Variants in SYCP2L observed in about 807,000 individuals in gnomAD.
SYCP2L encodes the protein synaptonemal complex protein 2 like.
A neutral mutation model predicts 125.8 loss-of-function variants in SYCP2L; 98 were observed. The ratio of observed to expected loss-of-function variants is 0.78; its 90% CI spans 0.66 to 0.92. SYCP2L has a LOEUF of 0.92. Among genes scored for constraint, SYCP2L ranks in the 40% least tolerant of loss-of-function variants. The probability of loss-of-function intolerance (pLI) is 0.00; values close to 1 mark genes in which losing one functional copy is unlikely to be tolerated. For missense variants in SYCP2L, 842 were observed against 936.4 expected, an observed-to-expected ratio of 0.90 and a Z score of 1.32; for synonymous variants, 317 against 325.4, an observed-to-expected ratio of 0.97 and a Z score of 0.28.
At chr6:10,927,457 C>T (rs567941955) in intron 17 of SYCP2L, 90 bp downstream of exon 17, 4 of 1,059,578 alleles carry the variant, frequency 3.8e-6, no homozygotes, top group Non-Finnish European at 5.5e-6. Flanking sequence ...AGTTGGGCAT[C>T]CAGGGGAGAC....
chr6:10,956,275 G>T lies in SYCP2L; in HGVS notation c.2163+33G>T, dbSNP rs188879393. On this transcript the variant is annotated intron_variant, in intron 25 of 29. Coordinates refer to ENST00000283141, the MANE Select transcript of SYCP2L (RefSeq NM_001040274.3). ...TCCACAAAACTTAAAAAACTAGAGC[G>T]TTATGAATCTGGAGGACATTATGCT... 1.4e-4 allele frequency: 204 copies of T among 1,468,238 alleles called. 2 individuals are homozygous for T. Among genetic ancestry groups the T allele is most frequent in the Admixed American group, 5.1e-4 (30 of 59,052 alleles). The allele number at this position is 1,468,238 out of a possible 1,614,324, so 91.0% of individuals were successfully genotyped here.
At chr6:10,960,415 A>T (rs1411634000) in intron 26 of SYCP2L, among the ~76,000 whole-genome samples, 2 of 152,184 alleles carry the variant, frequency 1.3e-5, no homozygotes, top group Non-Finnish European at 1.5e-5. Flanking sequence ...GCAATGTCGG[A>T]TACCAGGCCC....
intron 6 of SYCP2L, among the ~76,000 whole-genome samples, chr6:10,899,532 C>T (rs199739863): frequency 1.1e-4 from 16 of 152,168 alleles, no homozygotes; most frequent in Middle Eastern, 3.4e-3. Flanking sequence ...TGGGTGACAG[C>T]GTGATCCTGT....
intron 20 of SYCP2L, among the ~76,000 whole-genome samples, chr6:10,932,461 A>C (rs192037469): frequency 1.3e-5 from 2 of 152,268 alleles, no homozygotes; most frequent in Non-Finnish European, 2.9e-5. Flanking sequence ...TGTGATTCTG[A>C]GAGTATCGAC....
At chr6:10,925,246 A>G (rs1347628827) in intron 15 of SYCP2L, among the ~76,000 whole-genome samples, 1 of 152,118 alleles carries the variant, frequency 6.6e-6, no homozygotes, top group Non-Finnish European at 1.5e-5. Flanking sequence ...ACCCATCCCC[A>G]TGTTTCAGTT....
intron 29 of SYCP2L, among the ~76,000 whole-genome samples, chr6:10,970,585 A>G (rs896945503): frequency 4.6e-5 from 7 of 152,264 alleles, no homozygotes; most frequent in South Asian, 2.1e-4. Flanking sequence ...GGCAGCTTCT[A>G]GGTTTGGGGC....
chr6:10,914,569 A>T (rs1445716991), intron 14 of SYCP2L, among the ~76,000 whole-genome samples: 1 of 151,326 alleles, frequency 6.6e-6, no homozygotes, highest in African/African-American at 2.4e-5. Context: ...TGGGAATTGT[A>T]TTGAATGTGT....
At chr6:10,962,022 T>A (rs1781602233) in intron 28 of SYCP2L, among the ~76,000 whole-genome samples, 1 of 152,158 alleles carries the variant, frequency 6.6e-6, no homozygotes, top group Non-Finnish European at 1.5e-5. Flanking sequence ...CATCAATACA[T>A]CCTCTGGGGA....
chr6:10,915,549 G>A (rs749902431), intron 14 of SYCP2L, among the ~76,000 whole-genome samples: 9 of 152,102 alleles, frequency 5.9e-5, no homozygotes, highest in African/African-American at 1.4e-4. Flanking sequence ...GGATTTTGTC[G>A]AATGCTTTTT....
intron 24 of SYCP2L, 113 bp downstream of exon 24, chr6:10,955,330 C>A: frequency 1.6e-6 from 1 of 625,838 alleles, no homozygotes; most frequent in South Asian, 2.7e-5. Flanking sequence ...ATAGTAGCTA[C>A]AAAATCCTAA....
At position 10,931,930 on chromosome 6, in the gene SYCP2L, G is replaced by A. The variant is rs111908224; in HGVS notation, c.1683+441G>A. On this transcript the variant is annotated intron_variant, in intron 20 of 29. Transcript: ENST00000283141. The stretch of plus-strand genomic sequence containing the variant: ...CAGTGAGCCGAGATTGTGCCACTGC[G>A]CTGCAGCCTGGGTGACAGAATGAGA... Among the ~76,000 whole-genome samples, 1,272 of 147,714 alleles carry A rather than the reference G, an allele frequency of 8.6e-3. 28 individuals carry two copies. Among genetic ancestry groups the A allele is most frequent in the African/African-American group, 0.03 (1,209 of 40,210 alleles).
At chr6:10,944,423 T>C (rs1332845664) in intron 23 of SYCP2L, among the ~76,000 whole-genome samples, 3 of 152,226 alleles carry the variant, frequency 2.0e-5, no homozygotes, top group African/African-American at 7.2e-5. Context: ...TCCTTGATTA[T>C]GTGGCTTGTA....
chr6:10,904,642 T>G (rs1780451946), intron 8 of SYCP2L, among the ~76,000 whole-genome samples: 1 of 152,188 alleles, frequency 6.6e-6, no homozygotes, highest in South Asian at 2.1e-4. Flanking sequence ...GTCTGTGTGT[T>G]CTAGAAAGTC....
intron 20 of SYCP2L, among the ~76,000 whole-genome samples, chr6:10,933,968 C>T (rs1210678601): frequency 1.3e-5 from 2 of 152,120 alleles, no homozygotes; most frequent in East Asian, 3.8e-4. Context: ...AATCATTGAT[C>T]ATTTAGGATT....
At chr6:10,923,861 T>A (rs1428509179) in intron 14 of SYCP2L, among the ~76,000 whole-genome samples, 1 of 151,484 alleles carries the variant, frequency 6.6e-6, no homozygotes, top group African/African-American at 2.4e-5. Flanking sequence ...TTTTTTTGTA[T>A]TTTTAGCAGA....
At chr6:10,913,269 T>A (rs892488946) in intron 14 of SYCP2L, among the ~76,000 whole-genome samples, 12 of 152,184 alleles carry the variant, frequency 7.9e-5, no homozygotes, top group African/African-American at 2.7e-4. Flanking sequence ...GAACATGTCA[T>A]CCTAGTTCCT....
intron 10 of SYCP2L, among the ~76,000 whole-genome samples, chr6:10,909,413 C>T (rs1780567300): frequency 6.6e-6 from 1 of 152,158 alleles, no homozygotes; most frequent in Admixed American, 6.5e-5. Context: ...CAGGCGAGAG[C>T]CACCACGTCC....
At chr6:10,911,020 C>A (rs912942730) in intron 12 of SYCP2L, 151 bp downstream of exon 12, 8 of 802,778 alleles carry the variant, frequency 1.0e-5, no homozygotes, top group African/African-American at 6.8e-5. Flanking sequence ...AGTTCTCAAA[C>A]CGATCATACC....
chr6:10,905,057 T>C (rs1465483014), intron 8 of SYCP2L, among the ~76,000 whole-genome samples: 1 of 145,064 alleles, frequency 6.9e-6, no homozygotes, highest in East Asian at 2.2e-4. Context: ...GGAGAATTGC[T>C]TGACCCTGGG....
Sources: allele counts gnomAD v4.1 joint callset (sites outside exome capture counted in the v4.1 genomes callset), GRCh38; gene constraint gnomAD v4.1.1; transcripts MANE v1.5; gene names NCBI Gene and HGNC (gene_info 2026-07-23, HGNC 2026-07-21).